CACNA1D: variants seen among roughly 807,000 people sequenced by gnomAD.
CACNA1D encodes the protein calcium voltage-gated channel subunit alpha1 D.
A neutral mutation model predicts 257.1 loss-of-function variants in CACNA1D; 55 were observed. The observed-to-expected ratio is 0.21, with a 90% CI of 0.17 to 0.27. The LOEUF (loss-of-function observed/expected upper bound fraction) is 0.27, where lower values mean the gene tolerates loss of function less well. CACNA1D is among the 10% of genes least tolerant of loss of function. CACNA1D has a pLI of 1.00. For missense variants in CACNA1D, 1,876 were observed against 2,784.0 expected (o/e 0.67, Z 7.34); for synonymous variants, 980 against 1,014.9 (o/e 0.97, Z 0.65).
At chr3:53,545,649 C>T (rs1028033645) in intron 3 of CACNA1D, among the ~76,000 whole-genome samples, 1 of 152,074 alleles carries the variant, frequency 6.6e-6, no homozygotes, top group East Asian at 1.9e-4. Flanking sequence ...CAGGGAAAGA[C>T]GAAAGGGCTT....
In CACNA1D at chr3:53,567,416, A is replaced by G. The variant is rs148567019; in HGVS notation, c.483+65696A>G. 7.2e-5 allele frequency among the ~76,000 whole-genome samples: 11 copies of G among 152,268 alleles called. No individual in the cohort carries two copies. The East Asian group carries it at 1.9e-3, about 27-fold the overall frequency. ...GGTGTTAGACACACACCCATTCCCT[A>G]CTTGGGGTATTCACAAATGTCAGAC... On this transcript the variant is annotated intron_variant, in intron 3 of 47. Coordinates refer to ENST00000350061, the MANE Select transcript of CACNA1D (RefSeq NM_001128840.3).
chr3:53,803,327 A>T (rs777634874), intron 43 of CACNA1D, 96 bp from the exon 44 acceptor site: 1 of 1,406,234 alleles, frequency 7.1e-7, no homozygotes, highest in Non-Finnish European at 1.0e-6. Flanking sequence ...AGCCAGGAGC[A>T]CCCGGGCAGG....
At chr3:53,782,260 GTGTGTA>G (rs1490882410) in intron 39 of CACNA1D, 188 of 46,276 alleles carry the variant, frequency 4.1e-3, no homozygotes, top group African/African-American at 0.017. Flanking sequence ...GTGTGTGTGT[GTGTGTA>G]TATATATATA....
chr3:53,573,003 A>G (rs1021665078), intron 3 of CACNA1D, among the ~76,000 whole-genome samples: 20 of 152,216 alleles, frequency 1.3e-4, no homozygotes, highest in African/African-American at 4.6e-4. Context: ...GCATCATTTC[A>G]GTGTCCTTTG....
At chr3:53,713,494 C>CTGTGTG (rs1292006074) in intron 9 of CACNA1D, among the ~76,000 whole-genome samples, 16 of 110,758 alleles carry the variant, frequency 1.4e-4, no homozygotes, top group African/African-American at 4.0e-4. Context: ...CTCATTTGCT[C>CTGTGTG]TGTGTGTATG....
At chr3:53,573,518 T>C (rs1416674684) in intron 3 of CACNA1D, among the ~76,000 whole-genome samples, 1 of 152,224 alleles carries the variant, frequency 6.6e-6, no homozygotes, top group African/African-American at 2.4e-5. Flanking sequence ...CTGGTCCCAG[T>C]GTCTAAAACT....
chr3:53,535,035 G>A (rs1360771193), intron 3 of CACNA1D, among the ~76,000 whole-genome samples: 4 of 151,966 alleles, frequency 2.6e-5, no homozygotes, highest in Non-Finnish European at 4.4e-5. Flanking sequence ...TTTCCTCTCC[G>A]TAAACCCCAG....
intron 3 of CACNA1D, among the ~76,000 whole-genome samples, chr3:53,594,968 C>T (rs1030052281): frequency 1.3e-5 from 2 of 152,316 alleles, no homozygotes; most frequent in Admixed American, 6.5e-5. Flanking sequence ...GTCTATTGAT[C>T]AGGCATTAGG....
At chr3:53,621,130 A>C (rs1403712251) in intron 3 of CACNA1D, among the ~76,000 whole-genome samples, 1 of 152,206 alleles carries the variant, frequency 6.6e-6, no homozygotes. Flanking sequence ...GACACCTATG[A>C]ATGCAAGTGA....
chr3:53,698,099 C>G (rs1027841230), intron 8 of CACNA1D, among the ~76,000 whole-genome samples: 1 of 152,232 alleles, frequency 6.6e-6, no homozygotes, highest in East Asian at 1.9e-4. Context: ...TACATTGATA[C>G]ATACACATAC....
intron 14 of CACNA1D, among the ~76,000 whole-genome samples, 194 bp from the exon 15 acceptor site, chr3:53,726,685 T>C (rs754944733): frequency 6.6e-6 from 1 of 152,046 alleles, no homozygotes; most frequent in African/African-American, 2.4e-5. Context: ...TTTTTTTCAC[T>C]CAAAGAATTA....
At chr3:53,634,106 G>A (rs1453789449) in intron 3 of CACNA1D, among the ~76,000 whole-genome samples, 9 of 152,146 alleles carry the variant, frequency 5.9e-5, no homozygotes, top group East Asian at 1.9e-4. Context: ...GACTATGGAT[G>A]GTGAACTATA....
intron 5 of CACNA1D, among the ~76,000 whole-genome samples, chr3:53,663,006 T>C (rs991387741): frequency 6.6e-6 from 1 of 152,192 alleles, no homozygotes; most frequent in Non-Finnish European, 1.5e-5. Flanking sequence ...GGTAAAAATA[T>C]TGAAAATCAT....
intron 44 of CACNA1D, 23 bp from the exon 45 acceptor site, chr3:53,804,960 C>T (rs1477091271): frequency 6.2e-7 from 1 of 1,612,054 alleles, no homozygotes; most frequent in Non-Finnish European, 8.5e-7. Context: ...TAGAACCTTA[C>T]TGCCCTCCTC....
intron 8 of CACNA1D, among the ~76,000 whole-genome samples, chr3:53,693,816 G>A (rs369322711): frequency 7.2e-5 from 11 of 152,020 alleles, no homozygotes; most frequent in African/African-American, 2.2e-4. Context: ...GCTTTGTTTC[G>A]AGGGTTTTTT....
chr3:53,641,476 A>G (rs2093949084), intron 3 of CACNA1D, among the ~76,000 whole-genome samples: 2 of 152,156 alleles, frequency 1.3e-5, no homozygotes, highest in Admixed American at 6.5e-5. Flanking sequence ...CATGCCTGGT[A>G]TGGAGCAGAT....
chr3:53,707,760 A>G (rs771588273), intron 9 of CACNA1D, among the ~76,000 whole-genome samples: 2 of 152,016 alleles, frequency 1.3e-5, no homozygotes, highest in East Asian at 1.9e-4. Flanking sequence ...CTAAAATTCT[A>G]TTTTAAACTC....
intron 8 of CACNA1D, among the ~76,000 whole-genome samples, chr3:53,690,500 T>C (rs1489759222): frequency 2.0e-5 from 3 of 152,114 alleles, no homozygotes; most frequent in African/African-American, 7.2e-5. Flanking sequence ...AGCCCTGGGG[T>C]GTGGTGCTCT....
At chr3:53,781,739 C>T in intron 39 of CACNA1D, 72 bp downstream of exon 39, 3 of 1,040,832 alleles carry the variant, frequency 2.9e-6, no homozygotes, top group Non-Finnish European at 4.6e-6. Context: ...TCCAGAAAGT[C>T]CAGAGAGTGT....
Sources: gnomAD v4.1 joint callset for allele counts (sites outside exome capture counted in the v4.1 genomes callset) on GRCh38, gnomAD v4.1.1 for gene constraint, MANE v1.5 for transcripts, NCBI Gene and HGNC (gene_info 2026-07-23, HGNC 2026-07-21) for gene names.